SPATA13: variants seen among roughly 807,000 people sequenced by gnomAD.
SPATA13 encodes spermatogenesis-associated protein 13.
A neutral mutation model predicts 104.0 loss-of-function variants in SPATA13; 50 were observed. That is an observed-to-expected ratio of 0.48 (90% CI 0.38 to 0.61). The LOEUF is 0.61. Ranked by LOEUF, SPATA13 falls within the 20% of genes least tolerant of loss-of-function variation. The pLI, the probability that SPATA13 is intolerant of heterozygous loss-of-function variation, is 0.00. For synonymous variants in SPATA13, 606 were observed against 667.5 expected (o/e 0.91, Z 1.42); for missense variants, 1,524 against 1,690.6 (o/e 0.90, Z 1.73).
chr13:24,059,666 T>C (rs745565694), intron 3 of SPATA13, among the ~76,000 whole-genome samples: 30 of 152,236 alleles, frequency 2.0e-4, no homozygotes, highest in Non-Finnish European at 4.0e-4. Context: ...CATTTTATAA[T>C]TGAAAAACCT....
intron 3 of SPATA13, among the ~76,000 whole-genome samples, chr13:24,106,957 G>A (rs890470756): frequency 3.9e-5 from 6 of 152,144 alleles, no homozygotes; most frequent in African/African-American, 1.2e-4. Context: ...CGAACACTTG[G>A]GGAATTGACT....
chr13:24,164,729 T>A (rs1882650600), intron 1 of SPATA13, among the ~76,000 whole-genome samples: 1 of 152,130 alleles, frequency 6.6e-6, no homozygotes, highest in South Asian at 2.1e-4. Context: ...TCCACCTGCA[T>A]CCCTCGGTGT....
At chr13:24,184,962 A>T (rs1294728271) in intron 1 of SPATA13, among the ~76,000 whole-genome samples, 1 of 152,214 alleles carries the variant, frequency 6.6e-6, no homozygotes, top group Non-Finnish European at 1.5e-5. Context: ...TAGCAGCCGT[A>T]TGGGTCATTC....
chr13:24,097,019 T>C (rs1880107277), intron 3 of SPATA13, among the ~76,000 whole-genome samples: 2 of 152,292 alleles, frequency 1.3e-5, no homozygotes, highest in South Asian at 4.2e-4. Context: ...ACAAGGAGCC[T>C]AGTTAGAGGT....
chr13:24,136,371 G>A (rs1881566839), intron 3 of SPATA13, among the ~76,000 whole-genome samples: 1 of 152,170 alleles, frequency 6.6e-6, no homozygotes, highest in Admixed American at 6.5e-5. Flanking sequence ...AGCTACTCGG[G>A]AGGCTGGGGC....
At chr13:24,017,126 A>G (rs1876753643) in intron 2 of SPATA13, among the ~76,000 whole-genome samples, 1 of 152,224 alleles carries the variant, frequency 6.6e-6, no homozygotes, top group Admixed American at 6.5e-5. Flanking sequence ...TTGAGGTAAC[A>G]TCAGTAGATG....
At chr13:24,238,409 G>A (rs561512539) in intron 2 of SPATA13, among the ~76,000 whole-genome samples, 2 of 152,064 alleles carry the variant, frequency 1.3e-5, no homozygotes, top group South Asian at 2.1e-4. Context: ...CACCCATCTC[G>A]GCCTCCCAGA....
chr13:24,102,388 A>G (rs2137803027), intron 3 of SPATA13, among the ~76,000 whole-genome samples: 1 of 151,726 alleles, frequency 6.6e-6, no homozygotes, highest in East Asian at 1.9e-4. Flanking sequence ...TTAACTCTTC[A>G]TCAAATACAT....
intron 1 of SPATA13, among the ~76,000 whole-genome samples, chr13:24,184,613 T>C (rs1869029547): frequency 6.6e-6 from 1 of 152,240 alleles, no homozygotes; most frequent in African/African-American, 2.4e-5. Flanking sequence ...ATTAACTTAA[T>C]GCTGGGCAAC....
chr13:24,173,510 A>C lies in SPATA13; in HGVS notation c.-112+12578A>C, dbSNP rs56702717. ...GCCTTTTATTCCCCCCCGTCCCCCA[A>C]CTTTTTTTTTTTTTTGGCCTTATTG... On this transcript the variant is annotated intron_variant, in intron 1 of 12. Transcript: ENST00000382108. Among the ~76,000 whole-genome samples, 177 of 124,464 alleles carry C rather than the reference A, an allele frequency of 1.4e-3. 1 individual carries two copies. The highest frequency in any genetic ancestry group is 6.3e-3 in the East Asian group (24 of 3,786). 81.7% of individuals were successfully genotyped at this position (124,464 alleles called of 152,430 possible).
At chr13:24,054,864 G>T in intron 3 of SPATA13, among the ~76,000 whole-genome samples, 1 of 152,160 alleles carries the variant, frequency 6.6e-6, no homozygotes, top group Non-Finnish European at 1.5e-5. Flanking sequence ...AAAAAATTGT[G>T]TGACAGATCA....
intron 2 of SPATA13, among the ~76,000 whole-genome samples, chr13:24,230,091 G>A (rs1334126528): frequency 6.6e-6 from 1 of 152,146 alleles, no homozygotes; most frequent in Non-Finnish European, 1.5e-5. Context: ...GGGCATGTGT[G>A]CAGAGATATT....
At chr13:24,199,457 A>C (rs898420292) in intron 1 of SPATA13, among the ~76,000 whole-genome samples, 6 of 152,242 alleles carry the variant, frequency 3.9e-5, no homozygotes. Flanking sequence ...TAGGAAAAGC[A>C]CTATGATGTC....
Position 24,286,417 on chromosome 13 carries a change from T to C in SPATA13, c.2481+24T>C. On this transcript the variant is annotated intron_variant, in intron 6 of 12. Transcript: ENST00000382108. The surrounding 1 kb of genome is among the most constrained non-coding windows in gnomAD (Gnocchi z 4.9). The stretch of plus-strand genomic sequence containing the variant: ...GAGTAAGTGTGGGGTGCTTGCAGCT[T>C]TTCCAAAGTACCTGGGGGAGCTGCA... 6.2e-7 allele frequency: 1 copy of C among 1,604,070 alleles called. No homozygotes were observed. The highest frequency in any genetic ancestry group is 8.5e-7 in the Non-Finnish European group (1 of 1,175,286).
chr13:24,230,996 T>C (rs1337651020), intron 2 of SPATA13, among the ~76,000 whole-genome samples: 8 of 152,196 alleles, frequency 5.3e-5, no homozygotes, highest in Non-Finnish European at 1.2e-4. Flanking sequence ...TGCAGTTTGA[T>C]GATTTTTGGG....
chr13:24,202,824 G>A (rs972559666), intron 1 of SPATA13, among the ~76,000 whole-genome samples: 3 of 152,130 alleles, frequency 2.0e-5, no homozygotes, highest in Admixed American at 6.5e-5. Flanking sequence ...TTATGAACAC[G>A]GCTTAGTTTG....
intron 2 of SPATA13, among the ~76,000 whole-genome samples, chr13:24,246,655 C>G (rs1030035170): frequency 2.0e-5 from 3 of 152,142 alleles, no homozygotes; most frequent in East Asian, 3.9e-4. Flanking sequence ...GTCAGGAGTT[C>G]GAGACCATTC....
rs9507259 is a variant in SPATA13, at chr13:24,148,670, G to T, written c.-111-74149G>T. On this transcript the variant is annotated intron_variant, in intron 3 of 14. Transcript: ENST00000424834. ...TTGAAGAGTTGAGAATCTCTGCAAGGAACTGGCTCAGTCTTTTTCTTATGC... is the reference window on the plus strand; with the variant it reads ...TTGAAGAGTTGAGAATCTCTGCAAGTAACTGGCTCAGTCTTTTTCTTATGC... 6.6e-5 allele frequency among the ~76,000 whole-genome samples: 10 copies of T among 152,102 alleles called. No homozygotes were observed. In the South Asian group the frequency reaches 8.3e-4, roughly 13 times the overall value.
intron 1 of SPATA13, among the ~76,000 whole-genome samples, chr13:23,982,369 A>G (rs1158900325): frequency 2.0e-5 from 3 of 152,218 alleles, no homozygotes; most frequent in African/African-American, 7.2e-5. Flanking sequence ...TTTCAAATAG[A>G]TTGCAGAATC....
Sources: gnomAD v4.1 joint callset for allele counts (sites outside exome capture counted in the v4.1 genomes callset) on GRCh38, gnomAD v4.1.1 for gene constraint, Gnocchi (gnomAD v3.1) non-coding constraint, MANE v1.5 for transcripts, NCBI Gene and HGNC (gene_info 2026-07-23, HGNC 2026-07-21) for gene names.